BZW1: variants seen among roughly 807,000 people sequenced by gnomAD.
BZW1 encodes the protein eIF5-mimic protein 2.
In BZW1, 3 loss-of-function variants were observed where a neutral mutation model predicts 54.1. That is an observed-to-expected ratio of 0.06 (90% CI 0.03 to 0.14). The LOEUF (loss-of-function observed/expected upper bound fraction) is 0.14, where lower values mean the gene tolerates loss of function less well. Among genes scored for constraint, BZW1 ranks in the 10% least tolerant of loss-of-function variants. The probability of loss-of-function intolerance (pLI) is 1.00; values close to 1 mark genes in which losing one functional copy is unlikely to be tolerated. For synonymous variants in BZW1, 152 were observed against 162.7 expected (o/e 0.93, Z 0.50); for missense variants, 206 against 491.7 (o/e 0.42, Z 5.50).
At chr2:200,814,301 A>C (rs1424936633) in intron 2 of BZW1, among the ~76,000 whole-genome samples, 1 of 152,192 alleles carries the variant, frequency 6.6e-6, no homozygotes, top group African/African-American at 2.4e-5. Flanking sequence ...CCGGTTCCAG[A>C]TAGAGATGAT....
At position 200,823,258 on chromosome 2, in the gene BZW1, A is replaced by G. The variant is rs1448817582; in HGVS notation, c.*1080A>G. ...ATACTGGACTGGCTTCGTTCTCTTA[A>G]TATACTCAGTAATGACTCAAGCCTC... On this transcript the variant is annotated 3_prime_UTR_variant, in exon 12 of 12. Transcript: ENST00000409600. 1 of 165,752 alleles carries G rather than the reference A, an allele frequency of 6.0e-6. No homozygotes were observed. Among genetic ancestry groups the G allele is most frequent in the Non-Finnish European group, 1.5e-5 (1 of 68,120 alleles). The allele number at this position is 165,752 out of a possible 1,614,324, so 10.3% of individuals were successfully genotyped here.
chr2:200,819,276 A>G (rs142397863), intron 9 of BZW1, among the ~76,000 whole-genome samples: 4 of 152,174 alleles, frequency 2.6e-5, no homozygotes, highest in African/African-American at 7.2e-5. Context: ...TGTAGTCCCA[A>G]CTACTCAGGA....
rs889207598 is a variant in BZW1, at chr2:200,818,101, A to G, written c.648+18A>G. 3.3e-6 allele frequency: 5 copies of G among 1,534,414 alleles called. No individual in the cohort carries two copies. Among genetic ancestry groups the G allele is most frequent in the African/African-American group, 2.8e-5 (2 of 72,290 alleles). On this transcript the variant is annotated intron_variant, in intron 7 of 11. Coordinates refer to ENST00000409600, the MANE Select transcript of BZW1 (RefSeq NM_001207067.2). ...GACTGATGGTTGGTAACTTTTTTTC[A>G]TTCTTCCCATTCTTGCCAAGGATGT...
At chr2:200,814,450 C>G (rs2038214471) in intron 2 of BZW1, among the ~76,000 whole-genome samples, 1 of 152,118 alleles carries the variant, frequency 6.6e-6, no homozygotes, top group South Asian at 2.1e-4. Flanking sequence ...GTTTGTCACC[C>G]TAGTACTGTG....
Position 200,817,260 on chromosome 2 carries a change from T to A in BZW1, c.538+19T>A. 2.5e-6 allele frequency: 4 copies of A among 1,610,132 alleles called. No individual in the cohort carries two copies. Among genetic ancestry groups the A allele is most frequent in the Non-Finnish European group, 3.4e-6 (4 of 1,179,294 alleles). On this transcript the variant is annotated intron_variant, in intron 6 of 11. Transcript: ENST00000409600. ...AAAGAAGGTAATCAGCCTTAAAGGA[T>A]GGTCTTCAGTTGACTCAGAGTGGGG... is the stretch of plus-strand genomic sequence containing the variant.
chr2:200,817,689 C>T (rs1454597915), intron 6 of BZW1, among the ~76,000 whole-genome samples: 3 of 151,620 alleles, frequency 2.0e-5, no homozygotes, highest in Non-Finnish European at 2.9e-5. Context: ...TTTAAGTTAC[C>T]TTACTGTAAT....
intron 10 of BZW1, among the ~76,000 whole-genome samples, chr2:200,820,912 T>A (rs183657043): frequency 6.6e-6 from 1 of 152,202 alleles, no homozygotes; most frequent in African/African-American, 2.4e-5. Context: ...AGAAACCTGG[T>A]CTAAAGTGGC....
chr2:200,826,393 ATAGATAGATAGATATTTTTTT>A lies in BZW1; in HGVS notation c.*4217_*4237del, dbSNP rs2038692310. On this transcript the variant is annotated 3_prime_UTR_variant, in exon 12 of 12. Coordinates refer to ENST00000409600, the MANE Select transcript of BZW1 (RefSeq NM_001207067.2). ...AAGATATAGATAGATAGATAGATAG[ATAGATAGATAGATATTTTTTT>A]TTTTTTTTTTTTTTTTTTTTTTTTT... 2 of 113,134 alleles carry A rather than the reference ATAGATAGATAGATATTTTTTT, an allele frequency of 1.8e-5. No individual in the cohort carries two copies. Among genetic ancestry groups the A allele is most frequent in the African/African-American group, 3.6e-5 (1 of 27,848 alleles). The allele number at this position is 113,134 out of a possible 1,614,324, so 7.0% of individuals were successfully genotyped here.
intron 2 of BZW1, 60 bp from the exon 3 acceptor site, chr2:200,815,281 T>G (rs2038243348): frequency 1.3e-6 from 2 of 1,484,044 alleles, no homozygotes; most frequent in Non-Finnish European, 1.8e-6. Context: ...AAGGTGATAG[T>G]TTTGTGGCAT....
At chr2:200,813,479 A>G in intron 2 of BZW1, 198 bp downstream of exon 2, 1 of 513,914 alleles carries the variant, frequency 1.9e-6, no homozygotes, top group Non-Finnish European at 3.4e-6. Context: ...AATTTTTAGT[A>G]TCAATATATC....
chr2:200,816,996 TAGATCCC>T (rs2038319383), intron 5 of BZW1, 103 bp from the exon 6 acceptor site: 1 of 1,309,580 alleles, frequency 7.6e-7, no homozygotes, highest in Non-Finnish European at 1.0e-6. Flanking sequence ...CTTGGATGGT[TAGATCCC>T]AGAGCCCACG....
Position 200,817,955 on chromosome 2 carries a change from A to C in BZW1, c.539-19A>C. The stretch of plus-strand genomic sequence containing the variant: ...ACCAGGGAAGGTACTTCTGTTAATT[A>C]AGCTATTTTCTTTTACAGGAGTTTC... On this transcript the variant is annotated intron_variant, in intron 6 of 11. Coordinates refer to ENST00000409600, the MANE Select transcript of BZW1 (RefSeq NM_001207067.2). 6.6e-7 allele frequency: 1 copy of C among 1,507,588 alleles called. No individual in the cohort carries two copies. Among genetic ancestry groups the C allele is most frequent in the Non-Finnish European group, 9.0e-7 (1 of 1,110,058 alleles). 93.4% of individuals were successfully genotyped at this position (1,507,588 alleles called of 1,614,324 possible).
chr2:200,818,106 TC>T lies in BZW1; in HGVS notation c.648+26del, dbSNP rs779805760. On this transcript the variant is annotated intron_variant, in intron 7 of 11. Transcript: ENST00000409600. The stretch of plus-strand genomic sequence containing the variant: ...ATGGTTGGTAACTTTTTTTCATTCT[TC>T]CCATTCTTGCCAAGGATGTAAATGA... 66 of 1,536,130 alleles carry T rather than the reference TC, an allele frequency of 4.3e-5. No homozygotes were observed. The African/African-American group carries it at 8.3e-4, about 19-fold the overall frequency.
At position 200,811,964 on chromosome 2, in the gene BZW1, G is replaced by T; in HGVS notation, c.-37G>T. 1 of 329,622 alleles carries T rather than the reference G, an allele frequency of 3.0e-6. No homozygotes were observed. Among genetic ancestry groups the T allele is most frequent in the Non-Finnish European group, 5.5e-6 (1 of 182,252 alleles). 20.4% of individuals were successfully genotyped at this position (329,622 alleles called of 1,614,324 possible). A position where few individuals can be genotyped will look rare whatever the true frequency, so the allele number is the denominator to read the frequency against. On this transcript the variant is annotated 5_prime_UTR_variant, in exon 1 of 12. Transcript: ENST00000409600. ...AGTTGCCGGTACATCGGGGATTTCT[G>T]GCTCTTTCCTCTTCGCCTTAAATTC...
At chr2:200,816,537 C>A in intron 5 of BZW1, 147 bp downstream of exon 5, 1 of 503,702 alleles carries the variant, frequency 2.0e-6, no homozygotes, top group Non-Finnish European at 3.4e-6. Context: ...GTGTCCCAGG[C>A]TGGGGGTGCA....
At chr2:200,817,269 G>A in intron 6 of BZW1, 28 bp downstream of exon 6, 1 of 1,608,152 alleles carries the variant, frequency 6.2e-7, no homozygotes, top group Non-Finnish European at 8.5e-7. Flanking sequence ...ATGGTCTTCA[G>A]TTGACTCAGA....
intron 8 of BZW1, 95 bp from the exon 9 acceptor site, chr2:200,818,660 G>A (rs2038383153): frequency 7.3e-7 from 1 of 1,368,246 alleles, no homozygotes; most frequent in Admixed American, 2.6e-5. Context: ...CATGGAAAAG[G>A]AGTTGTTAGT....
At chr2:200,816,221 A>T (rs1054508359) in intron 4 of BZW1, 104 bp from the exon 5 acceptor site, 2 of 702,472 alleles carry the variant, frequency 2.8e-6, no homozygotes, top group African/African-American at 1.8e-5. Context: ...AATTCTTCTC[A>T]AGCTGGTTTA....
At chr2:200,821,452 T>C (rs2038506622) in intron 11 of BZW1, 147 bp downstream of exon 11, 3 of 888,204 alleles carry the variant, frequency 3.4e-6, no homozygotes, top group Non-Finnish European at 5.0e-6. Flanking sequence ...AAAGCTAGAG[T>C]TTAATTATTA....
Sources: gnomAD v4.1 joint callset for allele counts (sites outside exome capture counted in the v4.1 genomes callset) on GRCh38, gnomAD v4.1.1 for gene constraint, MANE v1.5 for transcripts, NCBI Gene and HGNC (gene_info 2026-07-23, HGNC 2026-07-21) for gene names.